ANKFN1: variants seen among roughly 807,000 people sequenced by gnomAD.
The protein encoded by ANKFN1 is ankyrin repeat and fibronectin type-III domain-containing protein 1.
In ANKFN1, 74 loss-of-function variants were observed where a neutral mutation model predicts 108.7. The observed-to-expected ratio is 0.68, with a 90% CI of 0.56 to 0.83. The LOEUF (loss-of-function observed/expected upper bound fraction) is 0.83, where lower values mean the gene tolerates loss of function less well. Among genes scored for constraint, ANKFN1 ranks in the 40% least tolerant of loss-of-function variants. The pLI, the probability that ANKFN1 is intolerant of heterozygous loss-of-function variation, is 0.00. For missense variants in ANKFN1, 1,505 were observed against 1,382.3 expected (o/e 1.09, Z -1.41); for synonymous variants, 547 against 516.2 (o/e 1.06, Z -0.81).
intron 8 of ANKFN1, among the ~76,000 whole-genome samples, chr17:56,387,686 C>T (rs951408874): frequency 6.6e-6 from 1 of 151,948 alleles, no homozygotes; most frequent in Non-Finnish European, 1.5e-5. Context: ...GGTTTTTTTC[C>T]TTAAAATATT....
chr17:56,297,887 T>C (rs958406179), intron 3 of ANKFN1, among the ~76,000 whole-genome samples: 27 of 152,328 alleles, frequency 1.8e-4, no homozygotes, highest in African/African-American at 6.3e-4. Context: ...AATCATGTAA[T>C]AAAACATTTT....
At position 56,090,227 on chromosome 17, in the gene ANKFN1, T is replaced by G. The variant is rs978860332; in HGVS notation, c.288+43902T>G. Reference sequence around the variant, plus strand: ...AGTGTATGAGCCAGAATGTGAGCACTGAGTAGCAGGTGCGGGTAAGTCGTT... The same window carrying G: ...AGTGTATGAGCCAGAATGTGAGCACGGAGTAGCAGGTGCGGGTAAGTCGTT... On this transcript the variant is annotated intron_variant, in intron 4 of 12. Transcript: ENST00000635860. 7.3e-5 allele frequency among the ~76,000 whole-genome samples: 11 copies of G among 151,308 alleles called. No homozygotes were observed. In the East Asian group the frequency reaches 1.4e-3, roughly 19 times the overall value.
chr17:56,467,791 G>GAAAGAAGA (rs11414270), intron 15 of ANKFN1, among the ~76,000 whole-genome samples: 113 of 54,688 alleles, frequency 2.1e-3, no homozygotes, highest in Non-Finnish European at 3.2e-3. Flanking sequence ...AAGAAAGAAA[G>GAAAGAAGA]AAGAAAGAAA....
chr17:56,368,160 T>C lies in ANKFN1; in HGVS notation c.602-4486T>C, dbSNP rs888462323. 2.4e-5 allele frequency: 32 copies of C among 1,354,340 alleles called. No homozygotes were observed. The Admixed American group carries it at 6.4e-4, about 27-fold the overall frequency. 83.9% of individuals were successfully genotyped at this position (1,354,340 alleles called of 1,614,324 possible). A position where few individuals can be genotyped will look rare whatever the true frequency, so the allele number is the denominator to read the frequency against. Reference sequence around the variant, plus strand: ...TAAATATTCTGACACCACTGACTGATCCAGAGAATGAACCTTTTGATGAAG... The same window carrying C: ...TAAATATTCTGACACCACTGACTGACCCAGAGAATGAACCTTTTGATGAAG... On this transcript the variant is annotated intron_variant, in intron 6 of 20. Coordinates refer to ENST00000682825, the MANE Select transcript of ANKFN1 (RefSeq NM_001370326.1).
At chr17:56,131,295 A>G (rs911755525) in intron 4 of ANKFN1, among the ~76,000 whole-genome samples, 1 of 152,210 alleles carries the variant, frequency 6.6e-6, no homozygotes, top group African/African-American at 2.4e-5. Context: ...TATAGCCTCA[A>G]TATGTGTAAA....
In ANKFN1 at chr17:56,162,108, G is replaced by C. The variant is rs572555321; in HGVS notation, c.-71+8578G>C. 6.6e-5 allele frequency among the ~76,000 whole-genome samples: 10 copies of C among 152,204 alleles called. No homozygotes were observed. The South Asian group carries it at 2.1e-3, about 32-fold the overall frequency. On this transcript the variant is annotated intron_variant, in intron 1 of 20. Transcript: ENST00000682825. ...ACCCCCAAGTGTAGTCAGGGCAGGG[G>C]GTCTTATTTAGAGTCTCACCAAGAA...
intron 4 of ANKFN1, among the ~76,000 whole-genome samples, chr17:56,083,359 C>A (rs1905271139): frequency 6.6e-6 from 1 of 151,310 alleles, no homozygotes; most frequent in African/African-American, 2.4e-5. Context: ...GGGACTAATG[C>A]CTTTGCACAC....
chr17:56,146,211 C>G (rs1598139245), intron 4 of ANKFN1, among the ~76,000 whole-genome samples: 2 of 152,194 alleles, frequency 1.3e-5, no homozygotes, highest in Admixed American at 6.5e-5. Context: ...CAGCTCTACC[C>G]TGTGGCTTTG....
chr17:56,189,170 C>CTTTTTTTTTTTTTTTTTTTTTTTTT (rs532063852), intron 1 of ANKFN1, among the ~76,000 whole-genome samples: 6 of 85,266 alleles, frequency 7.0e-5, no homozygotes, highest in African/African-American at 3.4e-4. Context: ...GTTGCCCTGA[C>CTTTTTTTTTTTTTTTTTTTTTTTTT]TTTTTTTTTT....
chr17:56,379,528 T>C (rs568857530), intron 8 of ANKFN1, among the ~76,000 whole-genome samples: 1 of 152,352 alleles, frequency 6.6e-6, no homozygotes, highest in East Asian at 1.9e-4. Context: ...CATGGATATA[T>C]ACAAAATTTT....
chr17:56,130,354 C>G (rs1907203960), intron 4 of ANKFN1, among the ~76,000 whole-genome samples: 1 of 152,020 alleles, frequency 6.6e-6, no homozygotes, highest in Admixed American at 6.6e-5. Flanking sequence ...GTCTAGATGA[C>G]AACAAGTTTA....
At chr17:56,384,767 G>A (rs1319511491) in intron 8 of ANKFN1, among the ~76,000 whole-genome samples, 2 of 151,552 alleles carry the variant, frequency 1.3e-5, no homozygotes, top group South Asian at 2.1e-4. Flanking sequence ...TACAAGGGAC[G>A]TGAAGGACCT....
chr17:56,467,803 A>AGAAAAAGAAAG (rs1568026458), intron 15 of ANKFN1, among the ~76,000 whole-genome samples: 10 of 26,294 alleles, frequency 3.8e-4, no homozygotes, highest in African/African-American at 1.7e-3. Flanking sequence ...AGAAAGAAAG[A>AGAAAAAGAAAG]AAGAAAGAAA....
chr17:56,296,117 C>T (rs966310394), intron 3 of ANKFN1, among the ~76,000 whole-genome samples: 5 of 151,664 alleles, frequency 3.3e-5, no homozygotes, highest in African/African-American at 1.2e-4. Flanking sequence ...TTATTGAAAC[C>T]TCTTGCTGTT....
intron 6 of ANKFN1, among the ~76,000 whole-genome samples, chr17:56,365,247 T>C (rs1000488672): frequency 6.6e-6 from 1 of 152,214 alleles, no homozygotes; most frequent in African/African-American, 2.4e-5. Context: ...TATCACTTGC[T>C]AGTGTATATT....
chr17:56,193,648 C>T (rs187372565), intron 1 of ANKFN1, among the ~76,000 whole-genome samples: 10 of 150,030 alleles, frequency 6.7e-5, no homozygotes, highest in Admixed American at 6.0e-4. Flanking sequence ...AGATGGATCA[C>T]AGACCCAAAT....
chr17:56,241,809 A>C (rs964469450), intron 3 of ANKFN1, among the ~76,000 whole-genome samples: 3 of 152,142 alleles, frequency 2.0e-5, no homozygotes, highest in African/African-American at 7.2e-5. Context: ...AAGTAAAATA[A>C]GGATTACTTA....
At chr17:56,128,915 A>C (rs1907099707) in intron 4 of ANKFN1, among the ~76,000 whole-genome samples, 2 of 152,192 alleles carry the variant, frequency 1.3e-5, no homozygotes, top group South Asian at 4.1e-4. Flanking sequence ...ATTTGGGATA[A>C]ACACTGAAGC....
intron 4 of ANKFN1, among the ~76,000 whole-genome samples, chr17:56,144,787 G>C (rs1291964150): frequency 1.3e-5 from 2 of 152,188 alleles, no homozygotes; most frequent in Non-Finnish European, 2.9e-5. Flanking sequence ...AGGAGCATTG[G>C]AGCAGATGTC....
Sources: gnomAD v4.1 joint callset for allele counts (sites outside exome capture counted in the v4.1 genomes callset) on GRCh38, gnomAD v4.1.1 for gene constraint, MANE v1.5 for transcripts, NCBI Gene and HGNC (gene_info 2026-07-23, HGNC 2026-07-21) for gene names.